Variants in NTNG1 observed in about 807,000 individuals in gnomAD.
NTNG1 encodes the protein netrin G1, also known as netrin-G1.
NTNG1 carries 16 observed loss-of-function variants against 54.0 expected under a neutral mutation model. The observed-to-expected ratio is 0.30, with a 90% CI of 0.20 to 0.45. The LOEUF (loss-of-function observed/expected upper bound fraction) is 0.45, where lower values mean the gene tolerates loss of function less well. Ranked by LOEUF, NTNG1 falls within the 20% of genes least tolerant of loss-of-function variation. NTNG1 has a pLI of 1.00. For missense variants in NTNG1, 530 were observed against 678.7 expected (o/e 0.78, Z 2.43); for synonymous variants, 255 against 263.1 (o/e 0.97, Z 0.30).
chr1:107,338,278 C>A (rs569750271), intron 3 of NTNG1, among the ~76,000 whole-genome samples: 1 of 151,940 alleles, frequency 6.6e-6, no homozygotes, highest in South Asian at 2.1e-4. Context: ...CTAACATTTG[C>A]AAGGTTGGGG....
intron 7 of NTNG1, among the ~76,000 whole-genome samples, chr1:107,478,200 A>G (rs750440277): frequency 1.3e-5 from 2 of 152,210 alleles, no homozygotes; most frequent in African/African-American, 2.4e-5. Context: ...CACTGTATGT[A>G]TGGTAAAGTT....
Position 107,303,932 on chromosome 1 carries a change from G to T in NTNG1, c.247-20350G>T, listed in dbSNP as rs77138779. Among the ~76,000 whole-genome samples, 455 of 151,684 alleles carry T rather than the reference G, an allele frequency of 3.0e-3. 14 individuals carry two copies. In the East Asian group the frequency reaches 0.072, roughly 24 times the overall value. On this transcript the variant is annotated intron_variant, in intron 2 of 7. Transcript: ENST00000370068. ...GATCTCCTGACCTCATAATCCGCCC[G>T]CCTTGGCCTCCAGAAGTGCTGGGAT...
At chr1:107,225,745 A>G (rs1660633731) in intron 2 of NTNG1, among the ~76,000 whole-genome samples, 1 of 152,186 alleles carries the variant, frequency 6.6e-6, no homozygotes, top group Admixed American at 6.5e-5. Context: ...GGAAGTTCTC[A>G]TGTGTGTCCA....
chr1:107,377,398 A>C (rs2101019008), intron 3 of NTNG1, among the ~76,000 whole-genome samples: 1 of 152,336 alleles, frequency 6.6e-6, no homozygotes, highest in East Asian at 1.9e-4. Context: ...CTGCCTGAGG[A>C]TAATTGTCTG....
chr1:107,234,247 C>T (rs1030266536), intron 2 of NTNG1, among the ~76,000 whole-genome samples: 2 of 152,020 alleles, frequency 1.3e-5, no homozygotes, highest in African/African-American at 4.8e-5. Context: ...CTCAGTCTCC[C>T]GAGTAGCTGG....
chr1:107,302,723 T>A (rs1666402550), intron 2 of NTNG1, among the ~76,000 whole-genome samples: 1 of 152,166 alleles, frequency 6.6e-6, no homozygotes, highest in Admixed American at 6.6e-5. Context: ...CTACCTTTTT[T>A]ATGACATCAA....
rs1345526864 is a variant in NTNG1, at chr1:107,376,225, A to C, written c.888-18929A>C. 2.0e-5 allele frequency among the ~76,000 whole-genome samples: 3 copies of C among 151,962 alleles called. No individual in the cohort carries two copies. The East Asian group carries it at 5.9e-4, about 30-fold the overall frequency. On this transcript the variant is annotated intron_variant, in intron 3 of 7. Coordinates refer to ENST00000370068, the MANE Select transcript of NTNG1 (RefSeq NM_001113226.3). ...CATGAGGTCAGGAGATCGAGACCAC[A>C]GTGAAACCCCGTCTCTACTAAAAAT...
In NTNG1 at chr1:107,420,327, C is replaced by T. The variant is rs115382682; in HGVS notation, c.1088-10423C>T. On this transcript the variant is annotated intron_variant, in intron 5 of 7. Coordinates refer to ENST00000370068, the MANE Select transcript of NTNG1 (RefSeq NM_001113226.3). Reference sequence around the variant, plus strand: ...CACAGTTGAGCAAAGTTCTTAAATTCTGAAATTTTAGCGAAAGGTGCACTT... The same window carrying T: ...CACAGTTGAGCAAAGTTCTTAAATTTTGAAATTTTAGCGAAAGGTGCACTT... 5.6e-3 allele frequency among the ~76,000 whole-genome samples: 856 copies of T among 152,108 alleles called. 13 individuals are homozygous for T. The highest frequency in any genetic ancestry group is 0.02 in the African/African-American group (817 of 41,538).
intron 2 of NTNG1, among the ~76,000 whole-genome samples, chr1:107,200,574 T>C (rs114226186): frequency 2.6e-3 from 393 of 151,696 alleles, no homozygotes; most frequent in African/African-American, 9.2e-3. Context: ...GAGATTTTCA[T>C]TGTTGTTGTT....
At chr1:107,155,383 A>C (rs909544623) in intron 2 of NTNG1, among the ~76,000 whole-genome samples, 1 of 151,992 alleles carries the variant, frequency 6.6e-6, no homozygotes, top group East Asian at 1.9e-4. Context: ...ATTTCAGGTC[A>C]TATCATTCTC....
intron 1 of NTNG1, among the ~76,000 whole-genome samples, chr1:107,142,078 G>A (rs1229897791): frequency 2.0e-5 from 3 of 152,006 alleles, no homozygotes; most frequent in Non-Finnish European, 4.4e-5. Context: ...ATGCTGTTTG[G>A]AATATTCTCT....
intron 5 of NTNG1, among the ~76,000 whole-genome samples, chr1:107,423,252 G>C (rs1202800526): frequency 6.6e-6 from 1 of 152,012 alleles, no homozygotes; most frequent in African/African-American, 2.4e-5. Context: ...TAGAAGAATA[G>C]TACTCAATGG....
intron 6 of NTNG1, 131 bp downstream of exon 6, chr1:107,431,048 A>G: frequency 1.3e-6 from 1 of 755,328 alleles, no homozygotes; most frequent in Non-Finnish European, 2.1e-6. Flanking sequence ...AAAATATCCT[A>G]TGGTAGATTT....
chr1:107,480,194 G>C (rs1443692461), intron 7 of NTNG1, among the ~76,000 whole-genome samples: 1 of 151,356 alleles, frequency 6.6e-6, no homozygotes, highest in East Asian at 1.9e-4. Context: ...TAGCAATACC[G>C]CTTTGCATTT....
At chr1:107,280,557 G>A (rs552310253) in intron 2 of NTNG1, among the ~76,000 whole-genome samples, 3 of 147,412 alleles carry the variant, frequency 2.0e-5, no homozygotes, top group Non-Finnish European at 4.5e-5. Context: ...ATGATTTTTG[G>A]TTATCCATTC....
chr1:107,431,321 AG>A (rs1454914253), intron 6 of NTNG1, among the ~76,000 whole-genome samples: 3 of 152,188 alleles, frequency 2.0e-5, no homozygotes, highest in Non-Finnish European at 4.4e-5. Flanking sequence ...ATGAAAAATT[AG>A]GGTACAGATT....
chr1:107,169,711 C>T (rs908778217), intron 2 of NTNG1, among the ~76,000 whole-genome samples: 1 of 152,158 alleles, frequency 6.6e-6, no homozygotes, highest in Non-Finnish European at 1.5e-5. Context: ...GACACAACCC[C>T]CAGGACGCCT....
chr1:107,207,183 G>A lies in NTNG1; in HGVS notation c.246+58344G>A, dbSNP rs886314308. On this transcript the variant is annotated intron_variant, in intron 2 of 7. Transcript: ENST00000370068. Reference sequence around the variant, plus strand: ...GTTAAAGAAATTCTCTTCCCAGTCTGACACAGCTTTGTTATCCTCTATAAT... The same window carrying A: ...GTTAAAGAAATTCTCTTCCCAGTCTAACACAGCTTTGTTATCCTCTATAAT... 7.9e-5 allele frequency among the ~76,000 whole-genome samples: 12 copies of A among 152,208 alleles called. No homozygotes were observed. In the South Asian group the frequency reaches 1.0e-3, roughly 13 times the overall value.
intron 2 of NTNG1, among the ~76,000 whole-genome samples, chr1:107,246,871 A>G (rs1404288448): frequency 6.6e-6 from 1 of 152,170 alleles, no homozygotes; most frequent in Non-Finnish European, 1.5e-5. Flanking sequence ...CCATATGTAA[A>G]TTGTAATAGC....
Sources: gnomAD v4.1 joint callset for allele counts (sites outside exome capture counted in the v4.1 genomes callset) on GRCh38, gnomAD v4.1.1 for gene constraint, MANE v1.5 for transcripts, NCBI Gene and HGNC (gene_info 2026-07-23, HGNC 2026-07-21) for gene names.